AXDND1: variants seen among roughly 807,000 people sequenced by gnomAD.
The protein encoded by AXDND1 is axonemal dynein light chain domain-containing protein 1.
In AXDND1, 110 loss-of-function variants were observed where a neutral mutation model predicts 137.5. That is an observed-to-expected ratio of 0.80 (90% CI 0.69 to 0.94). AXDND1 has a LOEUF of 0.94. AXDND1 is among the 40% of genes least tolerant of loss of function. The pLI, the probability that AXDND1 is intolerant of heterozygous loss-of-function variation, is 0.00. For synonymous variants in AXDND1, 414 were observed against 399.7 expected (o/e 1.04, Z -0.43); for missense variants, 1,191 against 1,169.8 (o/e 1.02, Z -0.26).
chr1:179,455,613 A>AAAT (rs1438414910), intron 16 of AXDND1: 1 of 150,190 alleles, frequency 6.7e-6, no homozygotes, highest in African/African-American at 2.5e-5. Context: ...AAAAAAAAAA[A>AAAT]ATTAAAAAAA....
At chr1:179,454,738 G>A (rs148451029) in intron 16 of AXDND1, 15 of 152,260 alleles carry the variant, frequency 9.9e-5, no homozygotes, top group African/African-American at 3.6e-4. Context: ...AGTAGCTATG[G>A]CACAATTAAG....
At chr1:179,524,684 A>C (rs1164715539) in intron 21 of AXDND1, among the ~76,000 whole-genome samples, 1 of 152,032 alleles carries the variant, frequency 6.6e-6, no homozygotes, top group Non-Finnish European at 1.5e-5. Flanking sequence ...CCTCTTAAAT[A>C]TCTCTTAAAT....
intron 18 of AXDND1, among the ~76,000 whole-genome samples, chr1:179,488,830 A>G (rs28422100): frequency 0.5 from 71,738 of 142,866 alleles, 20,832 homozygotes; most frequent in East Asian, 0.76. Context: ...TGCCTCCTGG[A>G]TTCAAGTGAT....
At chr1:179,375,989 C>T (rs993274992) in intron 4 of AXDND1, among the ~76,000 whole-genome samples, 1 of 152,176 alleles carries the variant, frequency 6.6e-6, no homozygotes, top group Non-Finnish European at 1.5e-5. Context: ...TTCCACCAAC[C>T]TCACATGCCA....
At chr1:179,444,563 A>G (rs189245899) in intron 15 of AXDND1, among the ~76,000 whole-genome samples, 1 of 151,926 alleles carries the variant, frequency 6.6e-6, no homozygotes, top group Non-Finnish European at 1.5e-5. Flanking sequence ...TAAACAAAAC[A>G]TGAATAAAAT....
chr1:179,436,100 A>G (rs1334835149), intron 15 of AXDND1, among the ~76,000 whole-genome samples: 1 of 152,180 alleles, frequency 6.6e-6, no homozygotes, highest in East Asian at 1.9e-4. Flanking sequence ...AAAAAGCTCA[A>G]CATCACTGAT....
intron 25 of AXDND1, among the ~76,000 whole-genome samples, chr1:179,539,107 G>A (rs1279945748): frequency 3.9e-5 from 6 of 152,132 alleles, no homozygotes; most frequent in Non-Finnish European, 1.5e-5. Context: ...TGGGTCTCCT[G>A]AATACAGCAC....
At chr1:179,367,244 G>A (rs1667520863) in intron 2 of AXDND1, among the ~76,000 whole-genome samples, 2 of 151,828 alleles carry the variant, frequency 1.3e-5, no homozygotes, top group Admixed American at 6.6e-5. Context: ...TAAATAGGCC[G>A]GGCACAGTGG....
chr1:179,372,374 A>G (rs1571516380), intron 4 of AXDND1, among the ~76,000 whole-genome samples: 2 of 152,124 alleles, frequency 1.3e-5, no homozygotes. Flanking sequence ...TGTGCGAATA[A>G]CTCCCAGAAC....
chr1:179,463,870 G>A (rs142853881), intron 16 of AXDND1, among the ~76,000 whole-genome samples: 6,926 of 152,190 alleles, frequency 0.046, 238 homozygotes, highest in Non-Finnish European at 0.069. Flanking sequence ...TTACCATTAT[G>A]TAATGGCCTT....
intron 16 of AXDND1, chr1:179,449,381 T>C (rs1660213396): frequency 4.8e-6 from 1 of 207,222 alleles, no homozygotes; most frequent in South Asian, 5.8e-5. Context: ...TCTACTCATG[T>C]GTATGTTTGT....
intron 23 of AXDND1, 65 bp from the exon 24 acceptor site, chr1:179,533,730 T>C (rs536471863): frequency 1.6e-6 from 2 of 1,286,086 alleles, no homozygotes; most frequent in South Asian, 2.4e-5. Flanking sequence ...CAGAACATCC[T>C]AAAAAAGTAG....
chr1:179,411,556 GATGT>G (rs758005931), intron 12 of AXDND1, among the ~76,000 whole-genome samples: 18 of 152,064 alleles, frequency 1.2e-4, no homozygotes, highest in Non-Finnish European at 2.5e-4. Flanking sequence ...AAAAAATGAG[GATGT>G]ATATTTATTG....
chr1:179,384,315 G>A (rs1648856018), intron 8 of AXDND1, among the ~76,000 whole-genome samples: 1 of 152,066 alleles, frequency 6.6e-6, no homozygotes, highest in South Asian at 2.1e-4. Flanking sequence ...GAGACATCAT[G>A]CCTCTTTAAT....
At chr1:179,394,644 C>T (rs1475883614) in intron 10 of AXDND1, among the ~76,000 whole-genome samples, 2 of 128,234 alleles carry the variant, frequency 1.6e-5, no homozygotes, top group East Asian at 4.0e-4. Flanking sequence ...GTTTATAGAA[C>T]AGTGCCATAA....
intron 16 of AXDND1, among the ~76,000 whole-genome samples, chr1:179,445,747 T>A (rs1659647924): frequency 6.6e-6 from 1 of 152,222 alleles, no homozygotes; most frequent in South Asian, 2.1e-4. Context: ...TCATTTCATC[T>A]GTTGGTAGGC....
chr1:179,418,601 G>A (rs775571506), intron 12 of AXDND1, among the ~76,000 whole-genome samples: 7 of 151,172 alleles, frequency 4.6e-5, no homozygotes, highest in Non-Finnish European at 8.9e-5. Context: ...CGGACGGGGC[G>A]GCTGGCCGGG....
chr1:179,528,140 C>G (rs760382396), intron 22 of AXDND1, among the ~76,000 whole-genome samples, 187 bp from the exon 23 acceptor site: 11 of 152,204 alleles, frequency 7.2e-5, no homozygotes, highest in Admixed American at 6.5e-4. Flanking sequence ...CTTGTCCACA[C>G]TCCCCATCCT....
intron 4 of AXDND1, among the ~76,000 whole-genome samples, chr1:179,375,613 GTATC>G (rs1668537302): frequency 8.3e-6 from 1 of 120,854 alleles, no homozygotes; most frequent in African/African-American, 2.8e-5. Flanking sequence ...GCACATGTGT[GTATC>G]TACACACACA....
Sources: gnomAD v4.1 joint callset for allele counts (sites outside exome capture counted in the v4.1 genomes callset) on GRCh38, gnomAD v4.1.1 for gene constraint, MANE v1.5 for transcripts, NCBI Gene and HGNC (gene_info 2026-07-23, HGNC 2026-07-21) for gene names.